Variants in TBC1D16 observed in about 807,000 individuals in gnomAD.
TBC1D16 encodes CTD-2529O21.1.
A neutral mutation model predicts 74.7 loss-of-function variants in TBC1D16; 58 were observed. The observed-to-expected ratio is 0.78, with a 90% confidence interval of 0.63 to 0.97. TBC1D16 has a LOEUF of 0.97. Ranked by LOEUF, TBC1D16 falls within the 50% of genes least tolerant of loss-of-function variation. The pLI is 0.00. For missense variants in TBC1D16, 1,014 were observed against 1,079.5 expected (o/e 0.94, Z 0.85); for synonymous variants, 493 against 474.7 (o/e 1.04, Z -0.50).
At chr17:79,960,796 A>C (rs1436419282) in intron 3 of TBC1D16, among the ~76,000 whole-genome samples, 8 of 147,334 alleles carry the variant, frequency 5.4e-5, no homozygotes, top group African/African-American at 1.2e-4. Flanking sequence ...AAAAAAAAAA[A>C]AAAAAAAAAA....
At position 79,985,779 on chromosome 17, in the gene TBC1D16, C is replaced by T. The variant is rs1473991341; in HGVS notation, c.779+24381G>A. On this transcript the variant is annotated intron_variant, in intron 3 of 11. Coordinates refer to ENST00000310924, the MANE Select transcript of TBC1D16 (RefSeq NM_019020.4). This position sits in a 1 kb window ranked among gnomAD's most constrained non-coding sequence, Gnocchi z 4.9. ...CCCCTCGGCTGGGTCCTCGGGGATG[C>T]CCAGCTGTCCTAGAGTATTTGTTCT... Among the ~76,000 whole-genome samples the T allele has an allele frequency of 1.3e-5, 2 of 152,196 alleles. No homozygotes were observed. The highest frequency in any genetic ancestry group is 2.9e-5 in the Non-Finnish European group (2 of 68,044).
chr17:80,025,600 CT>C (rs199617140), intron 1 of TBC1D16, among the ~76,000 whole-genome samples: 12,307 of 148,120 alleles, frequency 0.083, 815 homozygotes, highest in Non-Finnish European at 0.11. Flanking sequence ...GGAGCACCTC[CT>C]TGCTGGAAGC....
intron 3 of TBC1D16, 170 bp from the exon 4 acceptor site, chr17:79,952,988 C>T (rs1016391246): frequency 1.9e-5 from 12 of 635,220 alleles, no homozygotes; most frequent in African/African-American, 7.3e-5. Context: ...AATGTATGAA[C>T]CCCACTGCAC....
chr17:79,943,735 G>A, intron 10 of TBC1D16: 10 of 937,380 alleles, frequency 1.1e-5, no homozygotes, highest in Non-Finnish European at 1.3e-5. Context: ...ATTCTGACTA[G>A]ATCTCATTAC....
At chr17:79,946,891 C>A (rs936232082) in intron 9 of TBC1D16, among the ~76,000 whole-genome samples, 2 of 152,252 alleles carry the variant, frequency 1.3e-5, no homozygotes, top group Non-Finnish European at 2.9e-5. Flanking sequence ...TGCTCCCCGA[C>A]ACCCAGCGTC....
chr17:80,018,704 G>A (rs2143034905), intron 1 of TBC1D16, among the ~76,000 whole-genome samples: 1 of 149,122 alleles, frequency 6.7e-6, no homozygotes, highest in East Asian at 1.9e-4. Flanking sequence ...TGGGCTCAAG[G>A]AATCCTCCTG....
chr17:80,024,507 AGACAAACCACGCACACCATG>A, intron 1 of TBC1D16, among the ~76,000 whole-genome samples: 2 of 150,624 alleles, frequency 1.3e-5, no homozygotes, highest in East Asian at 1.9e-4. Context: ...CACGCACCAT[AGACAAACCACGCACACCATG>A]CACACACCAC....
intron 1 of TBC1D16, among the ~76,000 whole-genome samples, chr17:80,017,391 G>GT (rs1159298929): frequency 1.3e-5 from 2 of 152,020 alleles, no homozygotes; most frequent in Admixed American, 6.6e-5. Flanking sequence ...CTTAAAAAAC[G>GT]TAAAAACCGG....
chr17:80,021,213 T>C (rs573496356), intron 1 of TBC1D16, among the ~76,000 whole-genome samples: 4 of 147,740 alleles, frequency 2.7e-5, no homozygotes, highest in African/African-American at 7.9e-5. Flanking sequence ...GATCGTGCCA[T>C]TGCACTCCAG....
In TBC1D16 at chr17:79,961,425, G is replaced by A. The variant is rs1598352712; in HGVS notation, c.780-8607C>T. 6.6e-6 allele frequency among the ~76,000 whole-genome samples: 1 copy of A among 152,190 alleles called. No homozygotes were observed. Among genetic ancestry groups the A allele is most frequent in the Non-Finnish European group, 1.5e-5 (1 of 68,042 alleles). ...AATGCAACACGGCAAACCACTTTAG[G>A]AAAGCAGTTCAGTAATTTCTTAAAA... On this transcript the variant is annotated intron_variant, in intron 3 of 11. Transcript: ENST00000310924. The surrounding 1 kb of genome is among the most constrained non-coding windows in gnomAD (Gnocchi z 4.8).
rs1374173103 is a variant in TBC1D16 at position 79,985,578 on chromosome 17, G to T, written c.779+24582C>A. On this transcript the variant is annotated intron_variant, in intron 3 of 11. Transcript: ENST00000310924. This position sits in a 1 kb window ranked among gnomAD's most constrained non-coding sequence, Gnocchi z 4.9. Reference sequence around the variant, plus strand: ...TGGCCTGGCACTCACGCTCGGGGTGGGGGGCATCCCAGGCCCTGAGACTGG... The same window carrying T: ...TGGCCTGGCACTCACGCTCGGGGTGTGGGGCATCCCAGGCCCTGAGACTGG... Among the ~76,000 whole-genome samples, 2 of 152,214 alleles carry T rather than the reference G, an allele frequency of 1.3e-5. No individual in the cohort carries two copies. The highest frequency in any genetic ancestry group is 6.5e-5 in the Admixed American group (1 of 15,282).
intron 3 of TBC1D16, among the ~76,000 whole-genome samples, chr17:79,969,920 C>A (rs2034007724): frequency 6.6e-6 from 1 of 152,012 alleles, no homozygotes; most frequent in African/African-American, 2.4e-5. Flanking sequence ...GCAGCCTAGG[C>A]AACAGAACGA....
At chr17:79,947,941 C>T in intron 8 of TBC1D16, 110 bp from the exon 9 acceptor site, 3 of 874,910 alleles carry the variant, frequency 3.4e-6, no homozygotes, top group South Asian at 1.7e-5. Flanking sequence ...TTGCCTTCAC[C>T]TCAGTGGAAG....
intron 3 of TBC1D16, among the ~76,000 whole-genome samples, chr17:79,984,024 C>T (rs2034707869): frequency 7.8e-6 from 1 of 128,646 alleles, no homozygotes; most frequent in African/African-American, 3.0e-5. Context: ...GGCACCACAG[C>T]ACCTGACTAT....
At chr17:80,011,896 G>C (rs1342592325) in intron 2 of TBC1D16, among the ~76,000 whole-genome samples, 1 of 152,160 alleles carries the variant, frequency 6.6e-6, no homozygotes, top group Non-Finnish European at 1.5e-5. Context: ...GGCACTCATG[G>C]CATTTTTTTA....
At position 80,016,806 on chromosome 17, in the gene TBC1D16, T is replaced by G. The variant is rs1377718577; in HGVS notation, c.-62-3197A>C. Among the ~76,000 whole-genome samples the G allele has an allele frequency of 2.6e-5, 4 of 152,324 alleles. No individual in the cohort carries two copies. In the East Asian group the frequency reaches 5.8e-4, roughly 22 times the overall value. On this transcript the variant is annotated intron_variant, in intron 1 of 11. Coordinates refer to ENST00000310924, the MANE Select transcript of TBC1D16 (RefSeq NM_019020.4). ...CCAGCCCTGTTTGTGTATTTCCAAT[T>G]GTCTCCATGGCTGCTGACTTCCCAA...
At position 79,957,764 on chromosome 17, in the gene TBC1D16, C is replaced by G. The variant is rs558885951; in HGVS notation, c.780-4946G>C. 1.2e-4 allele frequency among the ~76,000 whole-genome samples: 17 copies of G among 139,604 alleles called. 1 individual carries two copies. The highest frequency in any genetic ancestry group is 4.5e-4 in the African/African-American group (17 of 37,914). 91.6% of individuals were successfully genotyped at this position (139,604 alleles called of 152,430 possible). ...TCCCACTCTGGTGGGGGAGGCTGTG[C>G]GTGTGGTGGGGGAGGGGGTGGATGA... On this transcript the variant is annotated intron_variant, in intron 3 of 11. Transcript: ENST00000310924.
intron 9 of TBC1D16, among the ~76,000 whole-genome samples, chr17:79,947,250 T>G (rs997820874): frequency 1.3e-5 from 2 of 152,164 alleles, no homozygotes; most frequent in East Asian, 3.9e-4. Context: ...CTGTCTGCAC[T>G]CAGAAGCCCT....
chr17:80,033,586 T>A (rs1309043154), intron 1 of TBC1D16, among the ~76,000 whole-genome samples: 1 of 152,130 alleles, frequency 6.6e-6, no homozygotes, highest in African/African-American at 2.4e-5. Flanking sequence ...TTGCCTAAGG[T>A]GGTCTTGAAC....
Sources: allele counts gnomAD v4.1 joint callset (sites outside exome capture counted in the v4.1 genomes callset), GRCh38; gene constraint gnomAD v4.1.1; non-coding constraint Gnocchi (gnomAD v3.1); transcripts MANE v1.5; gene names NCBI Gene and HGNC (gene_info 2026-07-23, HGNC 2026-07-21).